HS3ST4: variants seen among roughly 807,000 people sequenced by gnomAD.
HS3ST4 encodes heparan sulfate-glucosamine 3-sulfotransferase 4.
Under a neutral mutation model 29.2 loss-of-function variants are expected in HS3ST4, and 17 were observed. The observed-to-expected ratio is 0.58, with a 90% confidence interval of 0.40 to 0.87. The LOEUF (loss-of-function observed/expected upper bound fraction) is 0.87, where lower values mean the gene tolerates loss of function less well. Among genes scored for constraint, HS3ST4 ranks in the 40% least tolerant of loss-of-function variants. The pLI is 0.00. For missense variants in HS3ST4, 627 were observed against 634.5 expected (o/e 0.99, Z 0.13); for synonymous variants, 314 against 285.7 (o/e 1.10, Z -1.00).
At chr16:25,845,409 C>T (rs1388861172) in intron 1 of HS3ST4, among the ~76,000 whole-genome samples, 2 of 151,768 alleles carry the variant, frequency 1.3e-5, no homozygotes, top group Non-Finnish European at 2.9e-5. Flanking sequence ...TTCTGGAGGC[C>T]GAGGCAGGAG....
intron 1 of HS3ST4, among the ~76,000 whole-genome samples, chr16:26,081,075 T>C (rs1567307829): frequency 6.6e-6 from 1 of 152,100 alleles, no homozygotes; most frequent in Non-Finnish European, 1.5e-5. Flanking sequence ...TCACTTGAGC[T>C]CAGGAGTTTG....
intron 1 of HS3ST4, among the ~76,000 whole-genome samples, chr16:25,871,558 G>A (rs762664731): frequency 3.3e-5 from 5 of 152,092 alleles, no homozygotes; most frequent in East Asian, 1.9e-4. Context: ...GTACTTGTAC[G>A]TATGTGTATT....
At chr16:25,983,968 A>G (rs1164125501) in intron 1 of HS3ST4, among the ~76,000 whole-genome samples, 3 of 151,988 alleles carry the variant, frequency 2.0e-5, no homozygotes, top group Non-Finnish European at 4.4e-5. Context: ...ACTAATGATA[A>G]TTGTACAGAT....
At chr16:25,958,116 AGG>A in intron 1 of HS3ST4, among the ~76,000 whole-genome samples, 1 of 152,188 alleles carries the variant, frequency 6.6e-6, no homozygotes, top group Non-Finnish European at 1.5e-5. Context: ...GGTACTCCAC[AGG>A]GACTAAGCCC....
chr16:26,038,284 A>T (rs1431950042), intron 1 of HS3ST4, among the ~76,000 whole-genome samples: 1 of 152,126 alleles, frequency 6.6e-6, no homozygotes, highest in Admixed American at 6.5e-5. Flanking sequence ...CTAAAAAGGG[A>T]GAACTCTATT....
intron 1 of HS3ST4, among the ~76,000 whole-genome samples, chr16:25,906,107 G>T (rs775587513): frequency 6.6e-6 from 1 of 152,126 alleles, no homozygotes; most frequent in African/African-American, 2.4e-5. Flanking sequence ...GAGGATTTAC[G>T]TTCATAAATA....
intron 1 of HS3ST4, among the ~76,000 whole-genome samples, chr16:25,772,715 G>C (rs1178631966): frequency 2.0e-5 from 3 of 152,220 alleles, no homozygotes; most frequent in Non-Finnish European, 2.9e-5. Context: ...TGAAAAGTGA[G>C]AGACATTTAA....
chr16:26,096,942 GACAA>G (rs575334070), intron 1 of HS3ST4, among the ~76,000 whole-genome samples: 63 of 152,276 alleles, frequency 4.1e-4, no homozygotes, highest in African/African-American at 1.5e-3. Context: ...ATGAATTACA[GACAA>G]ACAGAGAGCC....
rs747439449 is a variant in HS3ST4 at position 26,086,344 on chromosome 16, CTTTTCTTTTT to C, written c.735-49254_735-49245del. On this transcript the variant is annotated intron_variant, in intron 1 of 1. Coordinates refer to ENST00000331351, the MANE Select transcript of HS3ST4 (RefSeq NM_006040.3). ...AAGATTTTTGTTTCTTTTTCTTTTT[CTTTTCTTTTT>C]TTTTCTTTTTTTTGAGACAGAGTCT... 6.9e-5 allele frequency among the ~76,000 whole-genome samples: 9 copies of C among 129,916 alleles called. No individual in the cohort carries two copies. The South Asian group carries it at 1.9e-3, about 27-fold the overall frequency. 85.2% of individuals were successfully genotyped at this position (129,916 alleles called of 152,430 possible). A position where few individuals can be genotyped will look rare whatever the true frequency, so the allele number is the denominator to read the frequency against.
At chr16:26,067,106 G>T (rs760117807) in intron 1 of HS3ST4, among the ~76,000 whole-genome samples, 2 of 152,096 alleles carry the variant, frequency 1.3e-5, no homozygotes, top group Non-Finnish European at 1.5e-5. Flanking sequence ...TTGCCCAGAG[G>T]GGTGGTTTGT....
chr16:25,800,606 T>A (rs986060911), intron 1 of HS3ST4, among the ~76,000 whole-genome samples: 1 of 152,162 alleles, frequency 6.6e-6, no homozygotes, highest in Non-Finnish European at 1.5e-5. Flanking sequence ...GTCTTTTTTT[T>A]AAGATTTGGC....
chr16:25,802,024 A>T (rs1966941459), intron 1 of HS3ST4, among the ~76,000 whole-genome samples: 1 of 149,786 alleles, frequency 6.7e-6, no homozygotes, highest in Non-Finnish European at 1.5e-5. Flanking sequence ...GGCATCCTAG[A>T]CACTGGGGAC....
intron 1 of HS3ST4, among the ~76,000 whole-genome samples, chr16:25,965,749 A>G (rs555431051): frequency 6.6e-6 from 1 of 152,372 alleles, no homozygotes; most frequent in Non-Finnish European, 1.5e-5. Flanking sequence ...TTTACCCAGA[A>G]TCATAATGAA....
chr16:25,897,518 G>A (rs1391995649), intron 1 of HS3ST4, among the ~76,000 whole-genome samples: 1 of 152,204 alleles, frequency 6.6e-6, no homozygotes, highest in African/African-American at 2.4e-5. Context: ...CTGGCTACAT[G>A]TGGTTCCGGT....
At chr16:25,882,944 C>T (rs917117674) in intron 1 of HS3ST4, among the ~76,000 whole-genome samples, 1 of 152,182 alleles carries the variant, frequency 6.6e-6, no homozygotes, top group Non-Finnish European at 1.5e-5. Context: ...ACTGCTCTGA[C>T]CTCTGGGAGG....
chr16:25,911,726 C>G (rs893790407), intron 1 of HS3ST4, among the ~76,000 whole-genome samples: 1 of 151,942 alleles, frequency 6.6e-6, no homozygotes, highest in Admixed American at 6.6e-5. Flanking sequence ...CCAGGCTGTT[C>G]TTGAAGTCTT....
At chr16:25,930,029 C>T (rs898548706) in intron 1 of HS3ST4, among the ~76,000 whole-genome samples, 6 of 152,138 alleles carry the variant, frequency 3.9e-5, no homozygotes, top group Non-Finnish European at 5.9e-5. Context: ...CATTTAGCTC[C>T]CACTTATAAG....
At chr16:25,902,867 G>A (rs1309021172) in intron 1 of HS3ST4, among the ~76,000 whole-genome samples, 2 of 152,060 alleles carry the variant, frequency 1.3e-5, no homozygotes, top group Admixed American at 6.5e-5. Flanking sequence ...GGAGGCTGAC[G>A]CAGATGGATT....
At chr16:26,119,366 G>C (rs1899241656) in intron 1 of HS3ST4, among the ~76,000 whole-genome samples, 1 of 152,228 alleles carries the variant, frequency 6.6e-6, no homozygotes, top group Admixed American at 6.5e-5. Context: ...GGAGCGATGG[G>C]AAGAAGAAGT....
Sources: gnomAD v4.1 joint callset for allele counts (sites outside exome capture counted in the v4.1 genomes callset) on GRCh38, gnomAD v4.1.1 for gene constraint, MANE v1.5 for transcripts, NCBI Gene and HGNC (gene_info 2026-07-23, HGNC 2026-07-21) for gene names.